The following C8orf34 variants were observed in gnomAD, a reference collection of about 807,000 sequenced individuals.
The protein encoded by C8orf34 is chromosome 8 open reading frame 34.
In C8orf34, 65 loss-of-function variants were observed where a neutral mutation model predicts 68.3. The ratio of observed to expected loss-of-function variants is 0.95; its 90% confidence interval spans 0.78 to 1.17. The LOEUF is 1.17. Ranked by LOEUF, C8orf34 falls within the 50% of genes most tolerant of loss-of-function variation. The pLI, the probability that C8orf34 is intolerant of heterozygous loss-of-function variation, is 0.00. For synonymous variants in C8orf34, 244 were observed against 241.2 expected (o/e 1.01, Z -0.11); for missense variants, 664 against 655.4 (o/e 1.01, Z -0.14).
At chr8:68,785,062 G>A (rs1485354973) in intron 11 of C8orf34, among the ~76,000 whole-genome samples, 1 of 151,776 alleles carries the variant, frequency 6.6e-6, no homozygotes, top group Non-Finnish European at 1.5e-5. Flanking sequence ...ATATGAATAT[G>A]GGCCAGGCAT....
intron 9 of C8orf34, among the ~76,000 whole-genome samples, chr8:68,714,332 A>G (rs1821408867): frequency 1.3e-5 from 2 of 152,202 alleles, no homozygotes; most frequent in Non-Finnish European, 2.9e-5. Flanking sequence ...AGAGGAAGTC[A>G]AACTGTCACT....
At chr8:68,469,858 A>G (rs1401322110) in intron 4 of C8orf34, among the ~76,000 whole-genome samples, 1 of 123,394 alleles carries the variant, frequency 8.1e-6, no homozygotes, top group East Asian at 2.3e-4. Context: ...GTCTTGGTAT[A>G]TTTTGAAAGA....
chr8:68,561,535 T>A (rs1816427249), intron 7 of C8orf34, among the ~76,000 whole-genome samples: 2 of 152,208 alleles, frequency 1.3e-5, no homozygotes, highest in South Asian at 2.1e-4. Context: ...CATGGGGGGA[T>A]CTCCTGAGGT....
chr8:68,493,753 G>A (rs1813409300), intron 5 of C8orf34, among the ~76,000 whole-genome samples: 1 of 152,058 alleles, frequency 6.6e-6, no homozygotes, highest in Non-Finnish European at 1.5e-5. Context: ...TTTATGAAAG[G>A]GCTTGAGGAA....
intron 5 of C8orf34, among the ~76,000 whole-genome samples, chr8:68,499,174 T>G (rs959872811): frequency 6.6e-5 from 10 of 152,180 alleles, no homozygotes; most frequent in South Asian, 2.1e-4. Context: ...TGAGAACATG[T>G]GGTATTTGGT....
At chr8:68,783,092 AAG>A (rs1225406892) in intron 11 of C8orf34, among the ~76,000 whole-genome samples, 2 of 151,926 alleles carry the variant, frequency 1.3e-5, no homozygotes, top group Non-Finnish European at 2.9e-5. Flanking sequence ...AAAAAAGAAA[AAG>A]AAAATCATTT....
intron 1 of C8orf34, among the ~76,000 whole-genome samples, chr8:68,388,056 A>G (rs1015605187): frequency 6.6e-6 from 1 of 152,052 alleles, no homozygotes; most frequent in Non-Finnish European, 1.5e-5. Context: ...TGTTGGTGGT[A>G]ATTTTCCACT....
intron 9 of C8orf34, among the ~76,000 whole-genome samples, chr8:68,718,044 C>T (rs939511837): frequency 6.6e-6 from 1 of 152,184 alleles, no homozygotes; most frequent in Non-Finnish European, 1.5e-5. Flanking sequence ...TGCCATCCTT[C>T]CCTGCCTAGC....
chr8:68,339,489 T>TA (rs35604014), intron 1 of C8orf34, among the ~76,000 whole-genome samples: 4 of 151,328 alleles, frequency 2.6e-5, no homozygotes, highest in Admixed American at 6.6e-5. Context: ...TAAAAACTCT[T>TA]AAAAAAAAGT....
chr8:68,417,126 T>G (rs1809707076), intron 1 of C8orf34, among the ~76,000 whole-genome samples: 1 of 152,162 alleles, frequency 6.6e-6, no homozygotes. Flanking sequence ...TAACATCATT[T>G]TAAAGATACC....
intron 12 of C8orf34, among the ~76,000 whole-genome samples, chr8:68,808,601 A>C (rs2129529841): frequency 6.6e-6 from 1 of 151,580 alleles, no homozygotes; most frequent in African/African-American, 2.4e-5. Flanking sequence ...TTTGCATAAC[A>C]TTTATACTGT....
At chr8:68,606,865 T>G (rs1817869419) in intron 7 of C8orf34, among the ~76,000 whole-genome samples, 1 of 152,098 alleles carries the variant, frequency 6.6e-6, no homozygotes. Context: ...TTGGTTGGAT[T>G]TTCCTTGTTT....
intron 7 of C8orf34, among the ~76,000 whole-genome samples, chr8:68,545,484 A>G (rs1295767691): frequency 1.3e-5 from 2 of 152,318 alleles, no homozygotes; most frequent in Admixed American, 1.3e-4. Context: ...GAAAAACTCA[A>G]TAGCATTCAG....
At chr8:68,802,967 A>G (rs987076259) in intron 12 of C8orf34, among the ~76,000 whole-genome samples, 2 of 152,182 alleles carry the variant, frequency 1.3e-5, no homozygotes, top group African/African-American at 4.8e-5. Context: ...ACACACAGGA[A>G]ATAGAAAATC....
chr8:68,367,912 G>GAAAAAAAAAAAAAAAAAAA (rs61562318), intron 1 of C8orf34, among the ~76,000 whole-genome samples: 82 of 79,122 alleles, frequency 1.0e-3, no homozygotes, highest in South Asian at 2.1e-3. Flanking sequence ...AAAAAGAAAA[G>GAAAAAAAAAAAAAAAAAAA]AAAAAAAAAA....
intron 10 of C8orf34, among the ~76,000 whole-genome samples, chr8:68,759,199 A>G (rs1168984090): frequency 6.6e-6 from 1 of 152,140 alleles, no homozygotes; most frequent in Non-Finnish European, 1.5e-5. Context: ...TTATATAGAC[A>G]TTCATTTTAC....
intron 7 of C8orf34, among the ~76,000 whole-genome samples, chr8:68,553,070 C>G (rs1182928880): frequency 1.3e-5 from 2 of 151,814 alleles, no homozygotes; most frequent in Non-Finnish European, 2.9e-5. Flanking sequence ...AAACTGGTCC[C>G]ATAGCATGAG....
chr8:68,703,478 G>A (rs537938626), intron 8 of C8orf34, among the ~76,000 whole-genome samples: 90 of 152,022 alleles, frequency 5.9e-4, no homozygotes, highest in South Asian at 4.6e-3. Flanking sequence ...GCTTCAAGGT[G>A]GGACAAGCAA....
At chr8:68,706,531 G>A in intron 8 of C8orf34, among the ~76,000 whole-genome samples, 1 of 152,182 alleles carries the variant, frequency 6.6e-6, no homozygotes, top group East Asian at 1.9e-4. Flanking sequence ...CGTAGAAAGT[G>A]TTAAGGAGAG....
Sources: gnomAD v4.1 joint callset for allele counts (sites outside exome capture counted in the v4.1 genomes callset) on GRCh38, gnomAD v4.1.1 for gene constraint, MANE v1.5 for transcripts, NCBI Gene and HGNC (gene_info 2026-07-23, HGNC 2026-07-21) for gene names.